EML6: variants seen among roughly 807,000 people sequenced by gnomAD.
EML6 encodes the protein echinoderm microtubule-associated protein-like 6.
In EML6, 154 loss-of-function variants were observed where a neutral mutation model predicts 240.1. The observed-to-expected ratio is 0.64, with a 90% CI of 0.56 to 0.73. The LOEUF (loss-of-function observed/expected upper bound fraction) is 0.73. Ranked by LOEUF, EML6 falls within the 30% of genes least tolerant of loss-of-function variation. The probability of loss-of-function intolerance (pLI) is 0.00; values close to 1 mark genes in which losing one functional copy is unlikely to be tolerated. For missense variants in EML6, 2,964 were observed against 2,474.6 expected, an observed-to-expected ratio of 1.20 and a Z score of -4.20; for synonymous variants, 1,148 against 899.0, an observed-to-expected ratio of 1.28 and a Z score of -4.95.
chr2:54,821,446 A>G (rs139094494), intron 5 of EML6, among the ~76,000 whole-genome samples: 12 of 152,296 alleles, frequency 7.9e-5, no homozygotes, highest in African/African-American at 2.9e-4. Flanking sequence ...TAAAATTTAC[A>G]AATGTATCAT....
chr2:54,939,872 A>G (rs777194069), intron 28 of EML6, among the ~76,000 whole-genome samples: 22 of 152,356 alleles, frequency 1.4e-4, no homozygotes, highest in Non-Finnish European at 2.8e-4. Flanking sequence ...GCCTTCCACT[A>G]TAGAGGCAAC....
chr2:54,970,021 C>G (rs527519239), intron 41 of EML6, 50 bp from the exon 42 acceptor site: 1,106 of 1,546,918 alleles, frequency 7.1e-4, no homozygotes, highest in Non-Finnish European at 9.3e-4. Context: ...CCACTTGACA[C>G]AAGTATGATG....
At chr2:54,906,837 C>T (rs1331582640) in intron 24 of EML6, among the ~76,000 whole-genome samples, 1 of 152,204 alleles carries the variant, frequency 6.6e-6, no homozygotes, top group Non-Finnish European at 1.5e-5. Context: ...TGCCTCAAGA[C>T]CAGCCTAGCT....
chr2:54,881,801 T>C (rs1402894923), intron 17 of EML6: 1 of 152,252 alleles, frequency 6.6e-6, no homozygotes, highest in African/African-American at 2.4e-5. Context: ...CCCCTCACTT[T>C]ACACTTCTGT....
At chr2:54,823,900 CAGAG>C (rs995003896) in intron 5 of EML6, among the ~76,000 whole-genome samples, 82 of 147,668 alleles carry the variant, frequency 5.6e-4, no homozygotes, top group Admixed American at 8.9e-4. Context: ...CTCTCTCTCT[CAGAG>C]AGAGATCACT....
At chr2:54,762,940 C>A (rs56320255) in intron 2 of EML6, among the ~76,000 whole-genome samples, 11,186 of 152,184 alleles carry the variant, frequency 0.074, 598 homozygotes, top group East Asian at 0.31. Flanking sequence ...TACCTACACA[C>A]TCATATATAT....
chr2:54,861,454 C>G (rs1472305721), intron 12 of EML6, among the ~76,000 whole-genome samples: 23 of 152,326 alleles, frequency 1.5e-4, no homozygotes, highest in Non-Finnish European at 4.4e-5. Context: ...CACAGATTCT[C>G]TACCTGGCTT....
chr2:54,968,390 C>G, intron 40 of EML6, 109 bp downstream of exon 40: 11 of 1,065,020 alleles, frequency 1.0e-5, no homozygotes, highest in Non-Finnish European at 1.5e-5. Context: ...AACCCTGTCC[C>G]GGTACAGTGG....
intron 28 of EML6, 149 bp from the exon 29 acceptor site, chr2:54,948,733 G>C: frequency 1.7e-6 from 1 of 604,486 alleles, no homozygotes; most frequent in Non-Finnish European, 2.9e-6. Flanking sequence ...GAGTGAGAGA[G>C]GAGGGCAGGA....
At chr2:54,798,876 G>C (rs893728463) in intron 2 of EML6, among the ~76,000 whole-genome samples, 1 of 152,182 alleles carries the variant, frequency 6.6e-6, no homozygotes, top group African/African-American at 2.4e-5. Flanking sequence ...AATGCATTCA[G>C]TATTTCAGCA....
intron 2 of EML6, among the ~76,000 whole-genome samples, chr2:54,734,480 C>T (rs1235580883): frequency 6.6e-6 from 1 of 152,244 alleles, no homozygotes; most frequent in Non-Finnish European, 1.5e-5. Flanking sequence ...TGTTTGCCCA[C>T]TGGGGTGCCA....
At chr2:54,913,263 C>G (rs148360197) in intron 25 of EML6, among the ~76,000 whole-genome samples, 52 of 150,056 alleles carry the variant, frequency 3.5e-4, no homozygotes, top group African/African-American at 1.2e-3. Flanking sequence ...TTTTAAGACC[C>G]TTTTCTAAGG....
intron 16 of EML6, among the ~76,000 whole-genome samples, chr2:54,875,194 C>T (rs890807502): frequency 6.6e-6 from 1 of 152,100 alleles, no homozygotes; most frequent in Non-Finnish European, 1.5e-5. Context: ...GTGGAACAGC[C>T]CCAAGTGAAG....
At chr2:54,826,167 G>A (rs569658189) in intron 5 of EML6, among the ~76,000 whole-genome samples, 1 of 152,260 alleles carries the variant, frequency 6.6e-6, no homozygotes, top group South Asian at 2.1e-4. Flanking sequence ...CTTATCTTCA[G>A]TGAGCTACTT....
intron 2 of EML6, among the ~76,000 whole-genome samples, chr2:54,805,261 A>C (rs1436245367): frequency 1.3e-5 from 2 of 152,152 alleles, no homozygotes; most frequent in Admixed American, 1.3e-4. Flanking sequence ...TAAATCTGTG[A>C]AGACTTGTAT....
chr2:54,952,985 G>T (rs996640947), intron 31 of EML6, among the ~76,000 whole-genome samples: 1 of 152,142 alleles, frequency 6.6e-6, no homozygotes, highest in Non-Finnish European at 1.5e-5. Context: ...CAAGAACTCC[G>T]TGTCTTTTGA....
chr2:54,878,260 T>G (rs567179390), intron 16 of EML6, among the ~76,000 whole-genome samples: 1 of 152,342 alleles, frequency 6.6e-6, no homozygotes, highest in South Asian at 2.1e-4. Flanking sequence ...GGTTGGGACC[T>G]CCGAGTGGAC....
At chr2:54,873,474 G>A (rs2103935346) in intron 16 of EML6, among the ~76,000 whole-genome samples, 1 of 152,326 alleles carries the variant, frequency 6.6e-6, no homozygotes, top group Admixed American at 6.5e-5. Context: ...TCCCGGAAGT[G>A]TGATGGACAT....
In EML6 at chr2:54,863,832, T is replaced by C. The variant is rs780059782; in HGVS notation, c.1875T>C (p.Asp625=). 10 of 1,549,804 alleles carry C rather than the reference T, an allele frequency of 6.5e-6. No homozygotes were observed. The African/African-American group carries it at 9.6e-5, about 15-fold the overall frequency. The change falls in exon 13 of 42, where the codon GAT becomes GAC. Residue 625 remains aspartate, a synonymous_variant. Transcript: ENST00000356458. ...AAGAATCTGATTCAGATTTATCTGA[T>C]GTGCCCGAACTGGACTCTGATATTG... ...YSEESDSDLS[D]VPELDSDIEQ...
Sources: gnomAD v4.1 joint callset for allele counts (sites outside exome capture counted in the v4.1 genomes callset) on GRCh38, gnomAD v4.1.1 for gene constraint, MANE v1.5 for transcripts, NCBI Gene and HGNC (gene_info 2026-07-23, HGNC 2026-07-21) for gene names.